Variants in SESN3 observed in about 807,000 individuals in gnomAD.
SESN3 encodes the protein sestrin 3.
A neutral mutation model predicts 55.3 loss-of-function variants in SESN3; 21 were observed. The ratio of observed to expected loss-of-function variants is 0.38; its 90% CI spans 0.27 to 0.55. The LOEUF (loss-of-function observed/expected upper bound fraction) is 0.55. SESN3 is among the 20% of genes least tolerant of loss of function. SESN3 has a pLI of 0.76. For missense variants in SESN3, 408 were observed against 604.3 expected, an observed-to-expected ratio of 0.68 and a Z score of 3.41; for synonymous variants, 181 against 203.1, an observed-to-expected ratio of 0.89 and a Z score of 0.93.
At chr11:95,178,634 A>C (rs1487834003) in intron 7 of SESN3, 76 bp downstream of exon 7, 1 of 926,942 alleles carries the variant, frequency 1.1e-6, no homozygotes, top group Admixed American at 1.9e-5. Flanking sequence ...GTTTAGTGCC[A>C]ATTTTTAAAA....
intron 1 of SESN3, among the ~76,000 whole-genome samples, chr11:95,217,648 G>GT (rs1432772187): frequency 3.9e-5 from 1 of 25,568 alleles, no homozygotes; most frequent in African/African-American, 1.2e-4. Flanking sequence ...GCCAGACTCC[G>GT]TTTAAAAAAA....
At chr11:95,174,360 G>T (rs12365296) in intron 9 of SESN3, among the ~76,000 whole-genome samples, 15,132 of 152,134 alleles carry the variant, frequency 0.099, 933 homozygotes, top group East Asian at 0.19. Context: ...CATTTATTAG[G>T]TTTTCTAACT....
At chr11:95,192,563 C>T (rs1364505520) in intron 2 of SESN3, among the ~76,000 whole-genome samples, 1 of 152,064 alleles carries the variant, frequency 6.6e-6, no homozygotes, top group African/African-American at 2.4e-5. Flanking sequence ...GACTAATGGT[C>T]TTTCCAAACA....
Position 95,167,766 on chromosome 11 carries a change from T to G in SESN3, c.*5489A>C, listed in dbSNP as rs1859777735. On this transcript the variant is annotated 3_prime_UTR_variant, in exon 10 of 10. Transcript: ENST00000536441. ...GGGATGGTTCATCAGGTCAGACAAC[T>G]GTGTGCAGTGTCCCATGTTAGAAAC... The G allele has an allele frequency of 6.6e-6, 1 of 152,188 alleles. No individual in the cohort carries two copies. Among genetic ancestry groups the G allele is most frequent in the South Asian group, 2.1e-4 (1 of 4,830 alleles). The allele number at this position is 152,188 out of a possible 1,614,324, so 9.4% of individuals were successfully genotyped here.
intron 1 of SESN3, among the ~76,000 whole-genome samples, chr11:95,223,213 T>C (rs1197826931): frequency 6.6e-6 from 1 of 152,006 alleles, no homozygotes; most frequent in African/African-American, 2.4e-5. Flanking sequence ...CACTATACCT[T>C]TGAGGATTTA....
intron 1 of SESN3, among the ~76,000 whole-genome samples, chr11:95,194,689 G>A (rs1860329153): frequency 6.6e-6 from 1 of 152,088 alleles, no homozygotes; most frequent in African/African-American, 2.4e-5. Flanking sequence ...CATGTTAAGA[G>A]GATGAAGTCA....
At chr11:95,200,011 T>G (rs1455139468) in intron 1 of SESN3, among the ~76,000 whole-genome samples, 1 of 152,046 alleles carries the variant, frequency 6.6e-6, no homozygotes, top group Non-Finnish European at 1.5e-5. Flanking sequence ...CAAAATGTCT[T>G]AAATACAAAA....
At chr11:95,216,123 AAAG>A (rs1265732101) in intron 1 of SESN3, among the ~76,000 whole-genome samples, 1 of 151,826 alleles carries the variant, frequency 6.6e-6, no homozygotes, top group Non-Finnish European at 1.5e-5. Context: ...AAAAAAAAAA[AAAG>A]AAATCCTTTA....
chr11:95,169,291 G>A lies in SESN3; in HGVS notation c.*3964C>T, dbSNP rs1175866641. ...GATATAATAGGGAAACACAGTTTAC[G>A]TTGACGGCCACCTAGAATAGATTCT... On this transcript the variant is annotated 3_prime_UTR_variant, in exon 10 of 10. Coordinates refer to ENST00000536441, the MANE Select transcript of SESN3 (RefSeq NM_144665.4). 2.6e-5 allele frequency: 4 copies of A among 152,106 alleles called. No homozygotes were observed. Among genetic ancestry groups the A allele is most frequent in the African/African-American group, 4.8e-5 (2 of 41,436 alleles). The allele number at this position is 152,106 out of a possible 1,614,324, so 9.4% of individuals were successfully genotyped here.
intron 6 of SESN3, among the ~76,000 whole-genome samples, chr11:95,183,611 G>A (rs1172492482): frequency 6.7e-6 from 1 of 149,608 alleles, no homozygotes; most frequent in East Asian, 2.0e-4. Flanking sequence ...GAACCTAGGA[G>A]ACGGAGGTTG....
chr11:95,166,359 G>A lies in SESN3; in HGVS notation c.*6896C>T, dbSNP rs1047026154. 4.0e-5 allele frequency: 6 copies of A among 151,576 alleles called. No individual in the cohort carries two copies. The East Asian group carries it at 5.8e-4, about 15-fold the overall frequency. 9.4% of individuals were successfully genotyped at this position (151,576 alleles called of 1,614,324 possible). A position where few individuals can be genotyped will look rare whatever the true frequency, so the allele number is the denominator to read the frequency against. ...CATTGAATAAAAAGTACCAAGAAACGCAAATGATAATTCTGTATTAATACT... is the reference window on the plus strand; with the variant it reads ...CATTGAATAAAAAGTACCAAGAAACACAAATGATAATTCTGTATTAATACT... On this transcript the variant is annotated 3_prime_UTR_variant, in exon 10 of 10. Coordinates refer to ENST00000536441, the MANE Select transcript of SESN3 (RefSeq NM_144665.4).
chr11:95,196,892 T>A (rs1216594465), intron 1 of SESN3, among the ~76,000 whole-genome samples: 1 of 152,242 alleles, frequency 6.6e-6, no homozygotes, highest in African/African-American at 2.4e-5. Context: ...CACAGAGTTA[T>A]TCATTTGATG....
chr11:95,173,713 T>C (rs768784487), intron 9 of SESN3, among the ~76,000 whole-genome samples: 4 of 152,040 alleles, frequency 2.6e-5, no homozygotes, highest in Non-Finnish European at 5.9e-5. Flanking sequence ...TTTAACAGTT[T>C]ATGCTTATCC....
At chr11:95,191,313 C>T (rs1481581449) in intron 3 of SESN3, 91 bp downstream of exon 3, 2 of 966,830 alleles carry the variant, frequency 2.1e-6, no homozygotes, top group African/African-American at 3.2e-5. Flanking sequence ...ATACTTAGCT[C>T]TATACACACA....
In SESN3 at chr11:95,171,896, C is replaced by T. The variant is rs1859856086; in HGVS notation, c.*1359G>A. The T allele has an allele frequency of 6.6e-6, 1 of 152,058 alleles. No homozygotes were observed. The highest frequency in any genetic ancestry group is 1.9e-4 in the East Asian group (1 of 5,192). 9.4% of individuals were successfully genotyped at this position (152,058 alleles called of 1,614,324 possible). ...TCTAATCAAGCAACGTAAACCAATG[C>T]AAAAATGTGACTTTTTGGCCGCTTA... On this transcript the variant is annotated 3_prime_UTR_variant, in exon 10 of 10. Coordinates refer to ENST00000536441, the MANE Select transcript of SESN3 (RefSeq NM_144665.4).
At chr11:95,209,596 A>T (rs899703403) in intron 1 of SESN3, among the ~76,000 whole-genome samples, 1 of 151,524 alleles carries the variant, frequency 6.6e-6, no homozygotes, top group Non-Finnish European at 1.5e-5. Context: ...AGACATATGC[A>T]CATGTATGTT....
chr11:95,231,789 A>G (rs991902899), upstream of SESN3: 6 of 152,222 alleles, frequency 3.9e-5, no homozygotes, highest in African/African-American at 1.4e-4. Flanking sequence ...AGGGATCTCA[A>G]AGAACTTTAC....
At chr11:95,226,706 T>C (rs562816984) in intron 1 of SESN3, among the ~76,000 whole-genome samples, 1 of 152,194 alleles carries the variant, frequency 6.6e-6, no homozygotes, top group Non-Finnish European at 1.5e-5. Flanking sequence ...TGTACAAAGA[T>C]AGCAGAACAA....
At chr11:95,192,890 C>T (rs1860293910) in intron 2 of SESN3, among the ~76,000 whole-genome samples, 1 of 151,976 alleles carries the variant, frequency 6.6e-6, no homozygotes, top group Admixed American at 6.6e-5. Flanking sequence ...TTTGCTTTCC[C>T]AGCATAAGTT....
Sources: gnomAD v4.1 joint callset for allele counts (sites outside exome capture counted in the v4.1 genomes callset) on GRCh38, gnomAD v4.1.1 for gene constraint, MANE v1.5 for transcripts, NCBI Gene and HGNC (gene_info 2026-07-23, HGNC 2026-07-21) for gene names.